SLC30A6: variants seen among roughly 807,000 people sequenced by gnomAD.
The protein encoded by SLC30A6 is solute carrier family 30 member 6.
In SLC30A6, 55 loss-of-function variants were observed where a neutral mutation model predicts 63.0. The observed-to-expected ratio is 0.87, with a 90% CI of 0.70 to 1.09. The LOEUF (loss-of-function observed/expected upper bound fraction) is 1.09. Among genes scored for constraint, SLC30A6 ranks in the 50% least tolerant of loss-of-function variants. SLC30A6 has a pLI of 0.00. For synonymous variants in SLC30A6, 224 were observed against 186.1 expected (o/e 1.20, Z -1.66); for missense variants, 587 against 549.2 (o/e 1.07, Z -0.69).
intron 13 of SLC30A6, among the ~76,000 whole-genome samples, chr2:32,211,875 C>T (rs985853426): frequency 1.3e-5 from 2 of 152,182 alleles, no homozygotes; most frequent in East Asian, 3.8e-4. Flanking sequence ...CCTCCTTGGC[C>T]TCCCAAAGTG....
chr2:32,223,290 T>A lies in SLC30A6; in HGVS notation c.*2577T>A, dbSNP rs1387378969. On this transcript the variant is annotated 3_prime_UTR_variant, in exon 14 of 14. Transcript: ENST00000282587. ...TTCAATTTAAATATTTGTCCCATTGTTTGTGATTAGGATGTAAGCTTTGTG... is the reference window on the plus strand; with the variant it reads ...TTCAATTTAAATATTTGTCCCATTGATTGTGATTAGGATGTAAGCTTTGTG... 6.6e-6 allele frequency: 1 copy of A among 152,208 alleles called. No individual in the cohort carries two copies. The highest frequency in any genetic ancestry group is 2.4e-5 in the African/African-American group (1 of 41,460). 9.4% of individuals were successfully genotyped at this position (152,208 alleles called of 1,614,324 possible).
intron 10 of SLC30A6, among the ~76,000 whole-genome samples, chr2:32,200,813 C>T (rs1301407022): frequency 2.7e-5 from 4 of 148,646 alleles, no homozygotes; most frequent in Non-Finnish European, 5.9e-5. Context: ...CTGCGAGAAA[C>T]ACCCAAGAAT....
At position 32,193,909 on chromosome 2, in the gene SLC30A6, CT is replaced by C. The variant is rs1209917826; in HGVS notation, c.426del (p.Phe142LeufsTer57). The part of the protein sequence containing the change: ...EIHTGRLLVG[T>X]FVALCFNLFT... ...TTTAGGGGAAGATTATTAGTTGGTA[CT>C]TTTGTGGCTCTTTGTTTCAACCTGT... On this transcript the variant is annotated frameshift_variant, in exon 8 of 14. Transcript: ENST00000282587. LOFTEE classifies it high-confidence loss of function. 6.2e-7 allele frequency: 1 copy of C among 1,613,208 alleles called. No homozygotes were observed. Among genetic ancestry groups the C allele is most frequent in the Non-Finnish European group, 8.5e-7 (1 of 1,179,528 alleles).
chr2:32,185,857 T>TTACAGG (rs1283333317), intron 5 of SLC30A6, among the ~76,000 whole-genome samples: 4 of 151,682 alleles, frequency 2.6e-5, no homozygotes, highest in African/African-American at 9.7e-5. Flanking sequence ...GTACCTGGGA[T>TTACAGG]TACAGGTGTG....
chr2:32,173,019 C>G (rs191078187), intron 2 of SLC30A6, among the ~76,000 whole-genome samples: 1 of 152,200 alleles, frequency 6.6e-6, no homozygotes, highest in Admixed American at 6.5e-5. Context: ...TCACTTGTTG[C>G]CTACTGAAAG....
At chr2:32,170,106 A>G (rs1681063475) in intron 1 of SLC30A6, among the ~76,000 whole-genome samples, 2 of 152,138 alleles carry the variant, frequency 1.3e-5, no homozygotes. Context: ...AGTAAAATCA[A>G]TCAATTTTTT....
At chr2:32,196,239 C>T (rs562570736) in intron 8 of SLC30A6, among the ~76,000 whole-genome samples, 54 of 151,962 alleles carry the variant, frequency 3.6e-4, no homozygotes, top group African/African-American at 1.0e-3. Context: ...CCCTTGAACC[C>T]GGTAGGCGGA....
In SLC30A6 at chr2:32,192,946, A is replaced by G; in HGVS notation, c.394A>G (p.Ile132Val). 1 of 1,517,688 alleles carries G rather than the reference A, an allele frequency of 6.6e-7. No individual in the cohort carries two copies. Among genetic ancestry groups the G allele is most frequent in the Non-Finnish European group, 8.9e-7 (1 of 1,117,886 alleles). 94.0% of individuals were successfully genotyped at this position (1,517,688 alleles called of 1,614,324 possible). Residue 132 changes from isoleucine (I) to valine (V), a missense_variant, in exon 7 of 14, where the codon ATA becomes GTA. Transcript: ENST00000282587. The stretch of plus-strand genomic sequence containing the variant: ...AGAACGCTTTTTGGAACAGCCCGAG[A>G]TACACACGTGAGATTTTATTTTCAA... Reference protein sequence around the residue: ...SAERFLEQPEIHTGRLLVGTF... With the variant: ...SAERFLEQPEVHTGRLLVGTF...
Position 32,206,938 on chromosome 2 carries a change from G to C in SLC30A6, c.816+5G>C, listed in dbSNP as rs772694486. 2 of 1,601,070 alleles carry C rather than the reference G, an allele frequency of 1.2e-6. No homozygotes were observed. Among genetic ancestry groups the C allele is most frequent in the Non-Finnish European group, 1.7e-6 (2 of 1,168,514 alleles). On this transcript the variant is annotated splice_donor_5th_base_variant and intron_variant, in intron 12 of 13. Coordinates refer to ENST00000282587, the MANE Select transcript of SLC30A6 (RefSeq NM_017964.5). ...TTGGACAAACTCATCAGAGAGGTAAGATGGAATAGTAAATAAAATCATTTT... is the reference window on the plus strand; with the variant it reads ...TTGGACAAACTCATCAGAGAGGTAACATGGAATAGTAAATAAAATCATTTT...
intron 12 of SLC30A6, among the ~76,000 whole-genome samples, chr2:32,207,930 C>T (rs1684922155): frequency 6.6e-6 from 1 of 151,664 alleles, no homozygotes; most frequent in African/African-American, 2.4e-5. Flanking sequence ...GAACTCCTGA[C>T]CTCGTGATCC....
chr2:32,217,825 T>C (rs1685833564), intron 13 of SLC30A6, among the ~76,000 whole-genome samples: 1 of 151,926 alleles, frequency 6.6e-6, no homozygotes, highest in Admixed American at 6.6e-5. Flanking sequence ...TTTGTGGATA[T>C]TGTAAATGGG....
Position 32,221,884 on chromosome 2 carries a change from T to C in SLC30A6, c.*1171T>C, listed in dbSNP as rs765942773. 3.3e-5 allele frequency: 5 copies of C among 152,220 alleles called. No individual in the cohort carries two copies. Among genetic ancestry groups the C allele is most frequent in the African/African-American group, 4.8e-5 (2 of 41,466 alleles). 9.4% of individuals were successfully genotyped at this position (152,220 alleles called of 1,614,324 possible). On this transcript the variant is annotated 3_prime_UTR_variant, in exon 14 of 14. Transcript: ENST00000282587. ...ATCTTTCCTGACACATTTTCATTCA[T>C]TGGCTTTTTAATTTCTTATTTTATT... is the stretch of plus-strand genomic sequence containing the variant.
chr2:32,209,441 T>A (rs1558420912), intron 12 of SLC30A6, 52 bp from the exon 13 acceptor site: 1 of 1,412,134 alleles, frequency 7.1e-7, no homozygotes, highest in African/African-American at 1.4e-5. Context: ...CTAAACTGCA[T>A]TGGATATGTT....
At position 32,194,139 on chromosome 2, in the gene SLC30A6, A is replaced by G. The variant is rs970159912; in HGVS notation, c.496+156A>G. ...TTCTCAAGTCTTTTTTAAGTGGAAA[A>G]TTATAAAACAAAATCTCATTAGTTC... On this transcript the variant is annotated intron_variant, in intron 8 of 13. Transcript: ENST00000282587. Among the ~76,000 whole-genome samples, 7 of 152,216 alleles carry G rather than the reference A, an allele frequency of 4.6e-5. 1 individual carries two copies. The highest frequency in any genetic ancestry group is 3.9e-4 in the Admixed American group (6 of 15,282).
Position 32,169,973 on chromosome 2 carries a change from A to G in SLC30A6, c.4-1314A>G, listed in dbSNP as rs191358569. On this transcript the variant is annotated intron_variant, in intron 1 of 13. Transcript: ENST00000282587. Reference sequence around the variant, plus strand: ...TCATCTTTTTAAAAATAGTTTGTGGAAGCTCATTGTGTATAGAGAAAATTG... The same window carrying G: ...TCATCTTTTTAAAAATAGTTTGTGGGAGCTCATTGTGTATAGAGAAAATTG... Among the ~76,000 whole-genome samples, 329 of 152,326 alleles carry G rather than the reference A, an allele frequency of 2.2e-3. 1 individual carries two copies. The highest frequency in any genetic ancestry group is 3.6e-3 in the Non-Finnish European group (247 of 68,028).
intron 13 of SLC30A6, among the ~76,000 whole-genome samples, chr2:32,216,612 G>T (rs989636764): frequency 1.1e-4 from 17 of 151,640 alleles, no homozygotes; most frequent in Non-Finnish European, 1.3e-4. Flanking sequence ...ATTCTGAGTA[G>T]TGTAGGATGG....
chr2:32,212,950 AG>A (rs773284586), intron 13 of SLC30A6, among the ~76,000 whole-genome samples: 5 of 139,384 alleles, frequency 3.6e-5, no homozygotes, highest in Admixed American at 7.9e-5. Flanking sequence ...CCTGTCACCT[AG>A]GCTGGAGTGA....
At chr2:32,189,725 C>T (rs1683162615) in intron 5 of SLC30A6, among the ~76,000 whole-genome samples, 1 of 150,394 alleles carries the variant, frequency 6.6e-6, no homozygotes, top group African/African-American at 2.4e-5. Flanking sequence ...TCTCCTGCCT[C>T]AGCCTCCTGA....
At chr2:32,198,793 A>G (rs1392621659) in intron 10 of SLC30A6, among the ~76,000 whole-genome samples, 1 of 152,188 alleles carries the variant, frequency 6.6e-6, no homozygotes, top group Non-Finnish European at 1.5e-5. Flanking sequence ...CATGTTGGCC[A>G]GGCTGGTCTT....
Sources: gnomAD v4.1 joint callset for allele counts (sites outside exome capture counted in the v4.1 genomes callset) on GRCh38, gnomAD v4.1.1 for gene constraint, MANE v1.5 for transcripts, NCBI Gene and HGNC (gene_info 2026-07-23, HGNC 2026-07-21) for gene names.